Variants in CGNL1 observed in about 807,000 individuals in gnomAD.
CGNL1 encodes the protein cingulin-like protein 1.
CGNL1 carries 132 observed loss-of-function variants against 141.2 expected under a neutral mutation model. The ratio of observed to expected loss-of-function variants is 0.93; its 90% CI spans 0.81 to 1.08. CGNL1 has a LOEUF of 1.08. Among genes scored for constraint, CGNL1 ranks in the 50% least tolerant of loss-of-function variants. The probability of loss-of-function intolerance (pLI) is 0.00; values close to 1 mark genes in which losing one functional copy is unlikely to be tolerated. For missense variants in CGNL1, 1,870 were observed against 1,588.6 expected, an observed-to-expected ratio of 1.18 and a Z score of -3.01; for synonymous variants, 690 against 622.1, an observed-to-expected ratio of 1.11 and a Z score of -1.63.
intron 8 of CGNL1, among the ~76,000 whole-genome samples, chr15:57,510,595 A>G (rs1343705132): frequency 6.6e-6 from 1 of 152,238 alleles, no homozygotes; most frequent in East Asian, 1.9e-4. Context: ...TATCCTTAAT[A>G]TAAAAAGAGA....
intron 10 of CGNL1, 143 bp downstream of exon 10, chr15:57,518,640 C>CGATA (rs2031021024): frequency 1.6e-6 from 1 of 642,018 alleles, no homozygotes; most frequent in Admixed American, 2.7e-5. Flanking sequence ...GTTATTTGAA[C>CGATA]TATCCGTCTA....
intron 1 of CGNL1, among the ~76,000 whole-genome samples, chr15:57,390,343 G>A (rs926716295): frequency 9.9e-5 from 15 of 152,180 alleles, no homozygotes; most frequent in Admixed American, 7.2e-4. Context: ...GGCATAAGAA[G>A]GCAAGCAGAA....
chr15:57,497,306 C>T lies in CGNL1; in HGVS notation c.2404-19474C>T, dbSNP rs1352614163. On this transcript the variant is annotated intron_variant, in intron 8 of 18. Transcript: ENST00000281282. ...TGTCTGCCCTGACAGGCGGAACTCA[C>T]TGTTTGTTTTGTGGAACAAAGAACA... Among the ~76,000 whole-genome samples the T allele has an allele frequency of 3.6e-5, 5 of 137,106 alleles. No homozygotes were observed. In the Admixed American group the frequency reaches 4.3e-4, roughly 12 times the overall value. The allele number at this position is 137,106 out of a possible 152,430, so 89.9% of individuals were successfully genotyped here. A position where few individuals can be genotyped will look rare whatever the true frequency, so the allele number is the denominator to read the frequency against.
intron 10 of CGNL1, among the ~76,000 whole-genome samples, chr15:57,518,836 G>T: frequency 6.6e-6 from 1 of 152,230 alleles, no homozygotes; most frequent in Admixed American, 6.5e-5. Flanking sequence ...TCAGTAATGC[G>T]AAGGCGGAGA....
chr15:57,411,777 A>G (rs182827097), intron 1 of CGNL1, among the ~76,000 whole-genome samples: 13 of 151,124 alleles, frequency 8.6e-5, no homozygotes, highest in Middle Eastern at 3.4e-3. Flanking sequence ...TTCTTCCCCA[A>G]TTCTCTTTTG....
intron 8 of CGNL1, among the ~76,000 whole-genome samples, chr15:57,465,647 TC>T (rs201864173): frequency 6.2e-5 from 9 of 144,774 alleles, no homozygotes; most frequent in Non-Finnish European, 9.4e-5. Context: ...AGCTTCAACC[TC>T]CCCAAAAAAA....
intron 8 of CGNL1, among the ~76,000 whole-genome samples, chr15:57,463,459 G>A (rs1325002683): frequency 2.0e-5 from 3 of 152,212 alleles, no homozygotes; most frequent in Admixed American, 2.0e-4. Flanking sequence ...ATATCAGTCT[G>A]TAAAAACGAA....
intron 7 of CGNL1, among the ~76,000 whole-genome samples, chr15:57,457,305 T>C (rs61998127): frequency 0.11 from 16,013 of 152,258 alleles, 1,067 homozygotes; most frequent in East Asian, 0.17. Context: ...TCCTGGTGCC[T>C]GTTTCTCAGT....
intron 1 of CGNL1, among the ~76,000 whole-genome samples, chr15:57,382,994 G>A (rs2062440101): frequency 6.6e-6 from 1 of 152,192 alleles, no homozygotes; most frequent in South Asian, 2.1e-4. Flanking sequence ...GTAGCTGACA[G>A]TATTAAAAAA....
rs548660893 is a variant in CGNL1 at position 57,438,929 on chromosome 15, C to T, written c.930C>T (p.Tyr310=). Residue 310 remains tyrosine, a synonymous_variant, in exon 2 of 19, where the codon TAC becomes TAT. Transcript: ENST00000281282. ...CTCCCACGTCAGCCAACTCTTTGTA[C>T]AGGTTTTTACTGGATGATCAGGAAT... ...STTPTSANSL[Y]RFLLDDQECA... is the part of the protein sequence containing the mutation. 14 of 1,614,214 alleles carry T rather than the reference C, an allele frequency of 8.7e-6. No individual in the cohort carries two copies. In the Admixed American group the frequency reaches 1.2e-4, roughly 13 times the overall value.
intron 1 of CGNL1, among the ~76,000 whole-genome samples, chr15:57,396,309 C>G (rs576417044): frequency 1.6e-4 from 22 of 140,962 alleles, no homozygotes; most frequent in African/African-American, 5.8e-4. Flanking sequence ...ACAGTCTCCT[C>G]TGTTGCCCAG....
intron 16 of CGNL1, among the ~76,000 whole-genome samples, chr15:57,544,939 G>T (rs962420480): frequency 6.6e-6 from 1 of 152,188 alleles, no homozygotes; most frequent in African/African-American, 2.4e-5. Context: ...TTTGAGCCAC[G>T]TTAGAGGCCA....
chr15:57,518,524 C>T, intron 10 of CGNL1, 27 bp downstream of exon 10: 1 of 1,490,820 alleles, frequency 6.7e-7, no homozygotes. Context: ...GTTGTCATTA[C>T]TCCCTCAAGA....
chr15:57,547,374 A>T lies in CGNL1; in HGVS notation c.3793A>T (p.Lys1265Ter). The change falls in exon 19 of 19, where the codon AAA becomes TAA. Residue 1265 changes from lysine to a stop codon, truncating the protein, a stop_gained. Coordinates refer to ENST00000281282, the MANE Select transcript of CGNL1 (RefSeq NM_032866.5). LOFTEE classifies it high-confidence loss of function. ...KDLRLKKLPS[K>*]VLDDMDDDDD... ...CAGCAGACTGAAGAAGCTGCCGAGT[A>T]AAGTGCTGGATGACATGGATGACGA... 1 of 1,614,212 alleles carries T rather than the reference A, an allele frequency of 6.2e-7. No homozygotes were observed. Among genetic ancestry groups the T allele is most frequent in the South Asian group, 1.1e-5 (1 of 91,074 alleles).
intron 1 of CGNL1, among the ~76,000 whole-genome samples, chr15:57,390,779 G>A (rs775069053): frequency 1.3e-5 from 2 of 152,066 alleles, no homozygotes; most frequent in East Asian, 1.9e-4. Flanking sequence ...GATGGGGCTC[G>A]TGGGAGTGCT....
At chr15:57,456,499 A>G (rs540132229) in intron 7 of CGNL1, among the ~76,000 whole-genome samples, 5 of 151,860 alleles carry the variant, frequency 3.3e-5, no homozygotes, top group African/African-American at 1.2e-4. Flanking sequence ...CTTAAAAAAA[A>G]AAATAAATAA....
chr15:57,386,486 C>T (rs1217971883), intron 1 of CGNL1, among the ~76,000 whole-genome samples: 5 of 152,132 alleles, frequency 3.3e-5, no homozygotes, highest in Admixed American at 6.6e-5. Flanking sequence ...ATCTGTGTTA[C>T]GGGCATAGTA....
At chr15:57,509,420 C>G (rs577316376) in intron 8 of CGNL1, among the ~76,000 whole-genome samples, 1 of 152,010 alleles carries the variant, frequency 6.6e-6, no homozygotes, top group African/African-American at 2.4e-5. Context: ...TGTACTGGGT[C>G]GGCACTAGGA....
In CGNL1 at chr15:57,396,048, C is replaced by CT. The variant is rs749991967; in HGVS notation, c.-16+19488dup. On this transcript the variant is annotated intron_variant, in intron 1 of 18. Transcript: ENST00000281282. Reference sequence around the variant, plus strand: ...TACAGTATGTACTCTTTGTATTTGGCTTTTTTTACTTAGTATTATGTTTGT... The same window carrying CT: ...TACAGTATGTACTCTTTGTATTTGGCTTTTTTTTACTTAGTATTATGTTTGT... Among the ~76,000 whole-genome samples the CT allele has an allele frequency of 3.3e-5, 5 of 152,090 alleles. No individual in the cohort carries two copies. In the South Asian group the frequency reaches 1.0e-3, roughly 32 times the overall value.
Sources: allele counts gnomAD v4.1 joint callset (sites outside exome capture counted in the v4.1 genomes callset), GRCh38; gene constraint gnomAD v4.1.1; transcripts MANE v1.5; gene names NCBI Gene and HGNC (gene_info 2026-07-23, HGNC 2026-07-21).